Variants in DLG2 observed in about 807,000 individuals in gnomAD.
The protein encoded by DLG2 is discs large MAGUK scaffold protein 2.
Under a neutral mutation model 132.5 loss-of-function variants are expected in DLG2, and 45 were observed. That is an observed-to-expected ratio of 0.34 (90% confidence interval 0.27 to 0.44). The LOEUF is 0.44. DLG2 is among the 20% of genes least tolerant of loss of function. The probability of loss-of-function intolerance (pLI) is 1.00; values close to 1 mark genes in which losing one functional copy is unlikely to be tolerated. For synonymous variants in DLG2, 424 were observed against 419.6 expected, an observed-to-expected ratio of 1.01 and a Z score of -0.13; for missense variants, 1,045 against 1,196.9, an observed-to-expected ratio of 0.87 and a Z score of 1.87.
intron 16 of DLG2, among the ~76,000 whole-genome samples, chr11:83,838,524 A>C (rs1328746319): frequency 6.6e-6 from 1 of 152,228 alleles, no homozygotes; most frequent in Non-Finnish European, 1.5e-5. Context: ...TATATACCAG[A>C]GATTGCAAAC....
rs576676736 is a variant in DLG2 at position 84,993,114 on chromosome 11, C to T, written c.357+118547G>A. On this transcript the variant is annotated intron_variant, in intron 6 of 27. Transcript: ENST00000376104. ...GCAACCATAAAAAAGAATGAGTTCA[C>T]GTCCTTTGCAGGGACATGGATGAAG... Among the ~76,000 whole-genome samples, 5 of 152,124 alleles carry T rather than the reference C, an allele frequency of 3.3e-5. No homozygotes were observed. In the East Asian group the frequency reaches 7.7e-4, roughly 23 times the overall value.
chr11:84,253,284 T>C (rs1371119620), intron 7 of DLG2, among the ~76,000 whole-genome samples: 1 of 152,144 alleles, frequency 6.6e-6, no homozygotes, highest in East Asian at 1.9e-4. Context: ...ATTTGGGGGC[T>C]CAGTGACTTC....
chr11:85,274,507 A>AT (rs2077761366), intron 4 of DLG2, among the ~76,000 whole-genome samples: 1 of 152,214 alleles, frequency 6.6e-6, no homozygotes, highest in Non-Finnish European at 1.5e-5. Context: ...GTTTACAAAT[A>AT]AGACTAACCA....
At chr11:83,999,358 T>G (rs2154038785) in intron 11 of DLG2, among the ~76,000 whole-genome samples, 1 of 152,262 alleles carries the variant, frequency 6.6e-6, no homozygotes, top group South Asian at 2.1e-4. Flanking sequence ...CCTGTGGGCC[T>G]GGAGACTGGC....
intron 4 of DLG2, among the ~76,000 whole-genome samples, chr11:85,210,168 A>AT (rs1224906963): frequency 2.0e-5 from 3 of 152,186 alleles, no homozygotes; most frequent in Non-Finnish European, 2.9e-5. Flanking sequence ...GTAAAGACAT[A>AT]TTTTTTTGGG....
At chr11:84,048,845 A>AC (rs2096292673) in intron 11 of DLG2, among the ~76,000 whole-genome samples, 1 of 151,588 alleles carries the variant, frequency 6.6e-6, no homozygotes, top group African/African-American at 2.4e-5. Context: ...AAGAAAAAAA[A>AC]ACACACACAC....
intron 15 of DLG2, among the ~76,000 whole-genome samples, chr11:83,903,326 A>G (rs918749289): frequency 3.3e-5 from 5 of 152,176 alleles, no homozygotes; most frequent in African/African-American, 9.7e-5. Flanking sequence ...TAAGTAGGAA[A>G]AAACCTATCA....
intron 18 of DLG2, chr11:83,693,170 A>G (rs1304971203): frequency 1.3e-5 from 2 of 152,154 alleles, no homozygotes; most frequent in African/African-American, 4.8e-5. Context: ...TTTTTACAGT[A>G]CCAAATTGAG....
At chr11:84,775,255 T>C (rs1258474613) in intron 6 of DLG2, among the ~76,000 whole-genome samples, 1 of 152,018 alleles carries the variant, frequency 6.6e-6, no homozygotes, top group African/African-American at 2.4e-5. Flanking sequence ...GAATGGCTAT[T>C]ATTAAAAAGT....
chr11:83,862,685 CAGCAT>C (rs1565392299), intron 16 of DLG2, among the ~76,000 whole-genome samples: 1 of 151,962 alleles, frequency 6.6e-6, no homozygotes, highest in Non-Finnish European at 1.5e-5. Flanking sequence ...GTGGTGGCAG[CAGCAT>C]TCATAATATT....
intron 3 of DLG2, among the ~76,000 whole-genome samples, chr11:85,392,038 C>T (rs1004190410): frequency 6.6e-6 from 1 of 151,964 alleles, no homozygotes; most frequent in African/African-American, 2.4e-5. Context: ...CCTAGAAAAC[C>T]CTAAAGACTC....
chr11:85,127,555 C>A (rs2075278078), intron 5 of DLG2, among the ~76,000 whole-genome samples: 1 of 152,116 alleles, frequency 6.6e-6, no homozygotes, highest in Non-Finnish European at 1.5e-5. Context: ...GAACAGATTG[C>A]CTGTTGTATC....
intron 6 of DLG2, among the ~76,000 whole-genome samples, chr11:84,737,327 T>A (rs2063968573): frequency 6.6e-6 from 1 of 152,026 alleles, no homozygotes; most frequent in Admixed American, 6.6e-5. Flanking sequence ...GAAATATATT[T>A]GCCTGTTTTT....
At chr11:84,500,153 T>C (rs1322973661) in intron 7 of DLG2, among the ~76,000 whole-genome samples, 1 of 152,120 alleles carries the variant, frequency 6.6e-6, no homozygotes, top group African/African-American at 2.4e-5. Flanking sequence ...AACATGGTCG[T>C]ATGATAGAGC....
chr11:85,331,370 T>C (rs1050760319), intron 3 of DLG2, among the ~76,000 whole-genome samples: 3 of 152,238 alleles, frequency 2.0e-5, no homozygotes, highest in Non-Finnish European at 4.4e-5. Context: ...CTAGCGGTAA[T>C]AAAATCATTT....
At chr11:84,998,039 T>C (rs2057830195) in intron 6 of DLG2, among the ~76,000 whole-genome samples, 1 of 152,212 alleles carries the variant, frequency 6.6e-6, no homozygotes, top group Non-Finnish European at 1.5e-5. Flanking sequence ...AAATTGTTTT[T>C]AGATAATTTT....
chr11:85,584,183 C>G (rs2162055), intron 3 of DLG2, among the ~76,000 whole-genome samples: 28,351 of 151,920 alleles, frequency 0.19, 3,614 homozygotes, highest in African/African-American at 0.35. Context: ...TGATGCCTCT[C>G]CATCCTTGTA....
chr11:85,240,653 T>C (rs2000962), intron 4 of DLG2, among the ~76,000 whole-genome samples: 123,122 of 151,666 alleles, frequency 0.81, 50,850 homozygotes, highest in Non-Finnish European at 0.9. Context: ...GTTTATTGAA[T>C]AGCTCTTCCC....
At chr11:85,467,039 T>G (rs1414873850) in intron 3 of DLG2, among the ~76,000 whole-genome samples, 7 of 152,188 alleles carry the variant, frequency 4.6e-5, no homozygotes, top group Non-Finnish European at 2.9e-5. Context: ...CCTTGTAAGT[T>G]GGATTCCTAG....
Sources: gnomAD v4.1 joint callset for allele counts (sites outside exome capture counted in the v4.1 genomes callset) on GRCh38, gnomAD v4.1.1 for gene constraint, MANE v1.5 for transcripts, NCBI Gene and HGNC (gene_info 2026-07-23, HGNC 2026-07-21) for gene names.